LAMB1: variants seen among roughly 807,000 people sequenced by gnomAD.
LAMB1 encodes the protein laminin subunit beta-1.
In LAMB1, 121 loss-of-function variants were observed where a neutral mutation model predicts 222.3. The ratio of observed to expected loss-of-function variants is 0.54; its 90% CI spans 0.47 to 0.63. LAMB1 has a LOEUF of 0.63. Among genes scored for constraint, LAMB1 ranks in the 30% least tolerant of loss-of-function variants. The probability of loss-of-function intolerance (pLI) is 0.00; values close to 1 mark genes in which losing one functional copy is unlikely to be tolerated. For synonymous variants in LAMB1, 794 were observed against 807.2 expected, an observed-to-expected ratio of 0.98 and a Z score of 0.28; for missense variants, 2,172 against 2,240.8, an observed-to-expected ratio of 0.97 and a Z score of 0.62.
chr7:107,998,164 T>C (rs576815920), intron 4 of LAMB1, among the ~76,000 whole-genome samples, 193 bp downstream of exon 4: 3 of 152,166 alleles, frequency 2.0e-5, no homozygotes, highest in East Asian at 1.9e-4. Flanking sequence ...TGCTTTCTTA[T>C]AGGAAATACA....
At chr7:107,948,197 G>A (rs1250969259) in intron 24 of LAMB1, among the ~76,000 whole-genome samples, 2 of 152,032 alleles carry the variant, frequency 1.3e-5, no homozygotes, top group African/African-American at 2.4e-5. Flanking sequence ...ATGTTGGTCC[G>A]GCTGGTGTCG....
At chr7:108,001,800 C>A in intron 2 of LAMB1, 67 bp from the exon 3 acceptor site, 1 of 1,584,142 alleles carries the variant, frequency 6.3e-7, no homozygotes, top group Admixed American at 1.8e-5. Context: ...AAAAAACGAA[C>A]AAGCGGGGGC....
chr7:107,932,286 C>T lies in LAMB1; in HGVS notation c.4280G>A (p.Gly1427Glu), dbSNP rs774611936. 1 of 1,614,056 alleles carries T rather than the reference C, an allele frequency of 6.2e-7. No homozygotes were observed. The highest frequency in any genetic ancestry group is 1.7e-5 in the Admixed American group (1 of 60,008). ...RTDEGERKCG[G>E]PGCGGLVTVA... ...AGTAACCAGACCACCACAGCCAGGC[C>T]CCCCACACTTCCTCTCTCCTTCGTC... The change falls in exon 28 of 34, where the codon GGG (glycine) becomes GAG (glutamate). Residue 1427 changes from glycine to glutamate, a missense_variant. Transcript: ENST00000222399.
chr7:107,936,998 G>C (rs2032862797), intron 26 of LAMB1, 95 bp downstream of exon 26: 36 of 1,062,886 alleles, frequency 3.4e-5, no homozygotes, highest in Non-Finnish European at 4.7e-5. Context: ...AAATTTATTA[G>C]AAAACTTTTT....
chr7:107,984,525 G>T (rs570753171), intron 7 of LAMB1, among the ~76,000 whole-genome samples: 4 of 152,146 alleles, frequency 2.6e-5, no homozygotes, highest in Non-Finnish European at 5.9e-5. Flanking sequence ...TGGGGATTAC[G>T]GAGTGAGCCT....
Position 107,924,101 on chromosome 7 carries a change from T to C in LAMB1, c.5225-14A>G, listed in dbSNP as rs953993933. 3.9e-6 allele frequency: 6 copies of C among 1,530,930 alleles called. No individual in the cohort carries two copies. The South Asian group carries it at 6.5e-5, about 17-fold the overall frequency. 94.8% of individuals were successfully genotyped at this position (1,530,930 alleles called of 1,614,324 possible). A position where few individuals can be genotyped will look rare whatever the true frequency, so the allele number is the denominator to read the frequency against. On this transcript the variant is annotated splice_polypyrimidine_tract_variant and intron_variant, in intron 33 of 33. Transcript: ENST00000222399. ...TTCTTTCTAAATCTGTGGGGAGATA[T>C]ATATATATAAAGTCTGAGCAATTTA...
At chr7:107,957,779 C>G (rs1170862388) in intron 20 of LAMB1, among the ~76,000 whole-genome samples, 2 of 152,152 alleles carry the variant, frequency 1.3e-5, no homozygotes, top group Admixed American at 6.5e-5. Flanking sequence ...GATTGAAACT[C>G]TGGTTATCTT....
intron 5 of LAMB1, among the ~76,000 whole-genome samples, chr7:107,994,671 G>A (rs1250556794): frequency 6.6e-6 from 1 of 152,174 alleles, no homozygotes; most frequent in East Asian, 1.9e-4. Context: ...AATTACCTTA[G>A]AATAGAGGCT....
In LAMB1 at chr7:107,952,080, G is replaced by C. The variant is rs1562985594; in HGVS notation, c.3223C>G (p.Leu1075Val). The stretch of plus-strand genomic sequence containing the variant: ...GGGTCACAGCCAGTGCCACTGGCCA[G>C]CTGCCAGGTATTGGGCGCACAGCGG... The part of the protein sequence containing the change: ...CDRCAPNTWQ[L>V]ASGTGCDPCN... The change falls in exon 23 of 34, where the codon CTG becomes GTG. Residue 1075 changes from leucine (L) to valine (V), a missense_variant. Coordinates refer to ENST00000222399, the MANE Select transcript of LAMB1 (RefSeq NM_002291.3). 2 of 1,614,120 alleles carry C rather than the reference G, an allele frequency of 1.2e-6. No homozygotes were observed. Among genetic ancestry groups the C allele is most frequent in the East Asian group, 2.2e-5 (1 of 44,882 alleles).
At chr7:108,001,457 A>C (rs964219100) in intron 3 of LAMB1, 101 bp downstream of exon 3, 2 of 1,312,486 alleles carry the variant, frequency 1.5e-6, no homozygotes, top group African/African-American at 3.0e-5. Context: ...TGCGCTTCCT[A>C]TCTGGATTGC....
In LAMB1 at chr7:107,963,034, G is replaced by C; in HGVS notation, c.1728C>G (p.Ile576Met). The change falls in exon 15 of 34, where the codon ATC (isoleucine) becomes ATG (methionine). Residue 576 changes from isoleucine to methionine, a missense_variant. Coordinates refer to ENST00000222399, the MANE Select transcript of LAMB1 (RefSeq NM_002291.3). ...CAGTCCAGGAGGGAATCCGGTCCTG[G>C]ATATATTGCCGCTCCACTATGCTAA... is the stretch of plus-strand genomic sequence containing the variant. ...PGVSIVERQY[I>M]QDRIPSWTGA... 1 of 1,613,862 alleles carries C rather than the reference G, an allele frequency of 6.2e-7. No individual in the cohort carries two copies. Among genetic ancestry groups the C allele is most frequent in the Non-Finnish European group, 8.5e-7 (1 of 1,179,830 alleles).
intron 24 of LAMB1, chr7:107,950,955 T>C (rs1257916524): frequency 2.7e-6 from 1 of 368,294 alleles, no homozygotes; most frequent in East Asian, 6.0e-5. Context: ...TGTGTGTGTG[T>C]GTGTGTGCTT....
chr7:107,998,613 T>G, intron 3 of LAMB1, 121 bp from the exon 4 acceptor site: 3 of 768,256 alleles, frequency 3.9e-6, no homozygotes, highest in Non-Finnish European at 6.1e-6. Context: ...GAAAAATAAT[T>G]GTGTGAAAAT....
intron 25 of LAMB1, 80 bp downstream of exon 25, chr7:107,939,909 C>A (rs2032938716): frequency 2.7e-6 from 4 of 1,477,852 alleles, no homozygotes; most frequent in Admixed American, 1.8e-5. Flanking sequence ...ATGGAAGCAC[C>A]ATGCCAGGAA....
At chr7:107,937,003 CTTTT>C in intron 26 of LAMB1, 86 bp downstream of exon 26, 6 of 1,078,072 alleles carry the variant, frequency 5.6e-6, no homozygotes, top group East Asian at 2.5e-5. Flanking sequence ...TATTAGAAAA[CTTTT>C]TTTTTTCCCC....
At chr7:107,954,925 G>A (rs934687274) in intron 21 of LAMB1, among the ~76,000 whole-genome samples, 4 of 152,098 alleles carry the variant, frequency 2.6e-5, no homozygotes, top group Non-Finnish European at 5.9e-5. Flanking sequence ...AAATTTTACT[G>A]AGTTACATAT....
rs1249718983 is a variant in LAMB1, at chr7:107,980,233, C to A, written c.879+376G>T. Among the ~76,000 whole-genome samples, 6 of 151,872 alleles carry A rather than the reference C, an allele frequency of 4.0e-5. No homozygotes were observed. The East Asian group carries it at 9.7e-4, about 24-fold the overall frequency. On this transcript the variant is annotated intron_variant, in intron 8 of 33. Transcript: ENST00000222399. ...AAGAAAAAAAAAAAAAAATCCATTT[C>A]TTTGGGTTGAGATCAATTTATGCCT...
chr7:107,998,715 G>C (rs751291912), intron 3 of LAMB1, among the ~76,000 whole-genome samples: 1 of 152,046 alleles, frequency 6.6e-6, no homozygotes, highest in Admixed American at 6.5e-5. Flanking sequence ...GCAAATTCAA[G>C]ATCTAAAGTA....
intron 32 of LAMB1, among the ~76,000 whole-genome samples, chr7:107,925,089 T>G (rs2032528823): frequency 6.6e-6 from 1 of 152,094 alleles, no homozygotes. Flanking sequence ...AAGACAGCTG[T>G]CTGATATTGT....
Sources: allele counts gnomAD v4.1 joint callset (sites outside exome capture counted in the v4.1 genomes callset), GRCh38; gene constraint gnomAD v4.1.1; transcripts MANE v1.5; gene names NCBI Gene and HGNC (gene_info 2026-07-23, HGNC 2026-07-21).